NUP85: variants seen among roughly 807,000 people sequenced by gnomAD.
NUP85 encodes nucleoporin 85.
A neutral mutation model predicts 92.8 loss-of-function variants in NUP85; 23 were observed. The ratio of observed to expected loss-of-function variants is 0.25; its 90% CI spans 0.18 to 0.35. The LOEUF is 0.35. NUP85 is among the 10% of genes least tolerant of loss of function. The pLI is 1.00. For missense variants in NUP85, 759 were observed against 822.8 expected (o/e 0.92, Z 0.95); for synonymous variants, 314 against 306.9 (o/e 1.02, Z -0.24).
intron 6 of NUP85, among the ~76,000 whole-genome samples, 183 bp from the exon 7 acceptor site, chr17:75,218,002 G>A (rs2075483183): frequency 6.6e-6 from 1 of 152,180 alleles, no homozygotes; most frequent in African/African-American, 2.4e-5. Context: ...AGTAATATTT[G>A]GTGAAAGTGC....
intron 17 of NUP85, 74 bp from the exon 18 acceptor site, chr17:75,235,026 G>T: frequency 7.9e-7 from 1 of 1,264,702 alleles, no homozygotes; most frequent in South Asian, 1.2e-5. Flanking sequence ...AAGAACGTCC[G>T]AACATGGGCC....
At chr17:75,218,113 G>T in intron 6 of NUP85, 72 bp from the exon 7 acceptor site, 1 of 1,603,878 alleles carries the variant, frequency 6.2e-7, no homozygotes, top group Non-Finnish European at 8.5e-7. Flanking sequence ...AAAGTTCTCT[G>T]TTCCTTGGAT....
At chr17:75,232,327 T>C (rs2076095602) in intron 14 of NUP85, among the ~76,000 whole-genome samples, 1 of 152,176 alleles carries the variant, frequency 6.6e-6, no homozygotes, top group Admixed American at 6.5e-5. Context: ...GGGGAAGCAG[T>C]GCTGGAGGTG....
intron 11 of NUP85, chr17:75,228,904 G>T: frequency 1.0e-6 from 1 of 985,452 alleles, no homozygotes; most frequent in Non-Finnish European, 1.2e-6. Context: ...TTGTCTCTCA[G>T]TGCCTGGGTG....
intron 6 of NUP85, among the ~76,000 whole-genome samples, chr17:75,217,940 C>T (rs2075481555): frequency 6.6e-6 from 1 of 152,174 alleles, no homozygotes; most frequent in Non-Finnish European, 1.5e-5. Flanking sequence ...GGTCTGCATT[C>T]CATGTTCACC....
intron 16 of NUP85, 87 bp downstream of exon 16, chr17:75,233,245 G>A (rs538670999): frequency 3.2e-5 from 33 of 1,037,308 alleles, no homozygotes; most frequent in South Asian, 8.1e-5. Flanking sequence ...TTCTCCCAGC[G>A]CTTCCTTCAT....
At chr17:75,230,146 C>T (rs749060609) in intron 11 of NUP85, among the ~76,000 whole-genome samples, 13 of 150,756 alleles carry the variant, frequency 8.6e-5, no homozygotes, top group South Asian at 6.3e-4. Flanking sequence ...TGGGCTCAAG[C>T]GATCTTCTGC....
intron 16 of NUP85, 149 bp from the exon 17 acceptor site, chr17:75,234,488 G>A: frequency 5.4e-6 from 4 of 744,018 alleles, no homozygotes; most frequent in Non-Finnish European, 9.1e-6. Flanking sequence ...GGACCTATGA[G>A]TTTGGAGACA....
In NUP85 at chr17:75,210,014, C is replaced by T. The variant is rs752352744; in HGVS notation, c.290+29C>T. On this transcript the variant is annotated intron_variant, in intron 3 of 18. Transcript: ENST00000245544. ...AGTTGGTTGCTGTTTGGTGTTGAAG[C>T]CCACACTACACTGTGGAAAGCCAAA... 1.9e-6 allele frequency: 3 copies of T among 1,581,868 alleles called. No homozygotes were observed. In the South Asian group the frequency reaches 3.5e-5, roughly 19 times the overall value.
intron 4 of NUP85, 32 bp downstream of exon 4, chr17:75,212,094 G>GTA (rs770507299): frequency 1.5e-6 from 2 of 1,366,704 alleles, no homozygotes; most frequent in Non-Finnish European, 9.9e-7. Context: ...GCGCGTGTGT[G>GTA]TGTGTGTGTG....
In NUP85 at chr17:75,231,546, T is replaced by C. The variant is rs1365279185; in HGVS notation, c.1179-27T>C. 6.2e-7 allele frequency: 1 copy of C among 1,613,950 alleles called. No homozygotes were observed. The highest frequency in any genetic ancestry group is 1.1e-5 in the South Asian group (1 of 91,078). ...CCCTGAACAGGGCAGGCCAGGAGTC[T>C]TGGTCTTTTGTTATGTTTTATTCCA... On this transcript the variant is annotated intron_variant, in intron 12 of 18. Transcript: ENST00000245544. This position sits in a 1 kb window ranked among gnomAD's most constrained non-coding sequence, Gnocchi z 4.6.
At chr17:75,218,587 C>CTTTT (rs2075499857) in intron 7 of NUP85, among the ~76,000 whole-genome samples, 3 of 24,338 alleles carry the variant, frequency 1.2e-4, no homozygotes, top group African/African-American at 2.3e-4. Context: ...AATACAAAAC[C>CTTTT]GTTTTTTTTT....
At chr17:75,213,010 A>T in intron 4 of NUP85, 66 bp from the exon 5 acceptor site, 1 of 1,433,282 alleles carries the variant, frequency 7.0e-7, no homozygotes, top group South Asian at 1.2e-5. Flanking sequence ...AGACCCTGGA[A>T]TATTCAGCTA....
chr17:75,233,385 T>TTTTC (rs2076159222), intron 16 of NUP85, among the ~76,000 whole-genome samples: 2 of 132,708 alleles, frequency 1.5e-5, no homozygotes, highest in African/African-American at 5.9e-5. Flanking sequence ...CTTTCTCTCT[T>TTTTC]TCTTTCTCTT....
chr17:75,224,437 T>C (rs1189745143), intron 7 of NUP85, among the ~76,000 whole-genome samples: 2 of 152,174 alleles, frequency 1.3e-5, no homozygotes, highest in African/African-American at 2.4e-5. Flanking sequence ...GGACATTTTG[T>C]GAGAAGATGG....
intron 7 of NUP85, among the ~76,000 whole-genome samples, chr17:75,219,278 TTTG>T (rs1181041900): frequency 6.6e-6 from 1 of 151,712 alleles, no homozygotes; most frequent in South Asian, 2.1e-4. Context: ...TTCGCTAAGG[TTTG>T]TTGTTGTCGT....
At chr17:75,230,843 C>T (rs1212325882) in intron 11 of NUP85, among the ~76,000 whole-genome samples, 3 of 151,850 alleles carry the variant, frequency 2.0e-5, no homozygotes, top group East Asian at 3.9e-4. Flanking sequence ...TTGCTTGAAC[C>T]TGGGAGGCAG....
At chr17:75,228,079 T>C in intron 11 of NUP85, 1 of 471,106 alleles carries the variant, frequency 2.1e-6, no homozygotes, top group Non-Finnish European at 2.8e-6. Context: ...CTGCCCATAG[T>C]TGAGTATTCT....
chr17:75,209,768 A>G (rs2075200598), intron 2 of NUP85, 55 bp from the exon 3 acceptor site: 1 of 1,455,490 alleles, frequency 6.9e-7, no homozygotes, highest in Non-Finnish European at 9.1e-7. Context: ...GAGTAGATTC[A>G]CTTTTGGAGA....
Sources: gnomAD v4.1 joint callset for allele counts (sites outside exome capture counted in the v4.1 genomes callset) on GRCh38, gnomAD v4.1.1 for gene constraint, Gnocchi (gnomAD v3.1) non-coding constraint, MANE v1.5 for transcripts, NCBI Gene and HGNC (gene_info 2026-07-23, HGNC 2026-07-21) for gene names.